Variants in SMPD3 observed in about 807,000 individuals in gnomAD.
The protein encoded by SMPD3 is sphingomyelin phosphodiesterase 3.
In SMPD3, 21 loss-of-function variants were observed where a neutral mutation model predicts 55.7. That is an observed-to-expected ratio of 0.38 (90% confidence interval 0.27 to 0.54). The LOEUF (loss-of-function observed/expected upper bound fraction) is 0.54, where lower values mean the gene tolerates loss of function less well. Among genes scored for constraint, SMPD3 ranks in the 20% least tolerant of loss-of-function variants. The probability of loss-of-function intolerance (pLI) is 0.80; values close to 1 mark genes in which losing one functional copy is unlikely to be tolerated. For missense variants in SMPD3, 842 were observed against 899.6 expected, an observed-to-expected ratio of 0.94 and a Z score of 0.82; for synonymous variants, 457 against 404.3, an observed-to-expected ratio of 1.13 and a Z score of -1.56.
chr16:68,371,315 T>C lies in SMPD3; in HGVS notation c.867A>G (p.Ser289=), dbSNP rs2089659912. The C allele has an allele frequency of 6.3e-7, 1 of 1,598,618 alleles. No homozygotes were observed. Among genetic ancestry groups the C allele is most frequent in the Non-Finnish European group, 8.5e-7 (1 of 1,178,696 alleles). ...TPNHNQQDGD[S]GSLGSPSASR... is the part of the protein sequence containing the mutation. ...AGGCCGAGGGGCTGCCCAGGCTCCCTGAATCCCCGTCCTGCTGATTATGGT... is the reference window on the plus strand; with the variant it reads ...AGGCCGAGGGGCTGCCCAGGCTCCCCGAATCCCCGTCCTGCTGATTATGGT... Residue 289 remains serine (S), a synonymous_variant, in exon 3 of 9, where the codon TCA becomes TCG. Transcript: ENST00000219334.
chr16:68,363,562 G>T lies in SMPD3; in HGVS notation c.1646-3C>A, dbSNP rs756547242. On this transcript the variant is annotated splice_polypyrimidine_tract_variant and splice_region_variant and intron_variant, in intron 6 of 8. Transcript: ENST00000219334. Reference sequence around the variant, plus strand: ...GCCGTTCGTGTCCAGCAGAGTACCTGGGGGGGACGAGGGGGTGACAGTGGT... The same window carrying T: ...GCCGTTCGTGTCCAGCAGAGTACCTTGGGGGGACGAGGGGGTGACAGTGGT... The T allele has an allele frequency of 2.5e-6, 4 of 1,612,060 alleles. No homozygotes were observed. The Admixed American group carries it at 5.0e-5, about 20-fold the overall frequency.
chr16:68,376,990 C>T (rs549524342), intron 2 of SMPD3, among the ~76,000 whole-genome samples: 396 of 152,166 alleles, frequency 2.6e-3, no homozygotes, highest in Non-Finnish European at 4.2e-3. Context: ...GTAGGACCTC[C>T]CGACCACTCC....
chr16:68,396,149 C>T (rs1192667127), intron 1 of SMPD3, among the ~76,000 whole-genome samples: 1 of 152,234 alleles, frequency 6.6e-6, no homozygotes, highest in Non-Finnish European at 1.5e-5. Flanking sequence ...CCCTCCGTGG[C>T]TGTCACCGCC....
chr16:68,431,424 G>A (rs758520169), intron 1 of SMPD3, among the ~76,000 whole-genome samples: 3 of 152,228 alleles, frequency 2.0e-5, no homozygotes, highest in Non-Finnish European at 4.4e-5. Context: ...TGTTTCTTGA[G>A]TGAGAGGAGA....
intron 2 of SMPD3, among the ~76,000 whole-genome samples, chr16:68,381,097 G>T (rs990095150): frequency 4.6e-5 from 7 of 152,356 alleles, no homozygotes; most frequent in Admixed American, 2.6e-4. Context: ...GAGTGAGAAT[G>T]AGTAAATAAA....
At position 68,364,577 on chromosome 16, in the gene SMPD3, C is replaced by T. The variant is rs2089418295; in HGVS notation, c.1555+174G>A. The T allele has an allele frequency of 4.1e-6, 3 of 734,742 alleles. No individual in the cohort carries two copies. The South Asian group carries it at 6.1e-5, about 15-fold the overall frequency. The allele number at this position is 734,742 out of a possible 1,614,324, so 45.5% of individuals were successfully genotyped here. On this transcript the variant is annotated intron_variant, in intron 5 of 8. Transcript: ENST00000219334. ...CAGCTTTCTAGGCAGAGCGTGGGCT[C>T]TTCCTGTTCTAGGATTTCTAGGGGG... is the stretch of plus-strand genomic sequence containing the variant.
At chr16:68,444,542 A>C (rs113159574) in intron 1 of SMPD3, among the ~76,000 whole-genome samples, 5 of 152,316 alleles carry the variant, frequency 3.3e-5, no homozygotes, top group African/African-American at 1.2e-4. Context: ...TGAGCCCAAA[A>C]AGAACAGAAA....
chr16:68,401,630 C>A (rs1280963978), intron 1 of SMPD3, among the ~76,000 whole-genome samples: 1 of 152,132 alleles, frequency 6.6e-6, no homozygotes, highest in Non-Finnish European at 1.5e-5. Context: ...GAGATCCCCA[C>A]ACCAATAGCC....
chr16:68,363,429 T>C, intron 7 of SMPD3, 67 bp downstream of exon 7: 1 of 1,576,090 alleles, frequency 6.3e-7, no homozygotes, highest in Non-Finnish European at 8.7e-7. Flanking sequence ...ATGTGGGTCC[T>C]GCCCAGTCCC....
chr16:68,364,137 GAGGA>G (rs1263192029), intron 5 of SMPD3, among the ~76,000 whole-genome samples: 12 of 152,194 alleles, frequency 7.9e-5, no homozygotes, highest in Non-Finnish European at 1.5e-4. Context: ...TCCTCGGACA[GAGGA>G]AGGAAGGTCC....
At chr16:68,427,159 G>A (rs1002320288) in intron 1 of SMPD3, among the ~76,000 whole-genome samples, 1 of 151,954 alleles carries the variant, frequency 6.6e-6, no homozygotes, top group African/African-American at 2.4e-5. Context: ...ACCATGCCTG[G>A]CTAACTTTTG....
At chr16:68,414,743 G>A (rs1037264533) in intron 1 of SMPD3, among the ~76,000 whole-genome samples, 1 of 152,252 alleles carries the variant, frequency 6.6e-6, no homozygotes, top group African/African-American at 2.4e-5. Flanking sequence ...CAGATTGAGT[G>A]GCATGCCCTG....
intron 1 of SMPD3, among the ~76,000 whole-genome samples, chr16:68,442,457 A>C (rs1480795527): frequency 3.9e-5 from 6 of 152,364 alleles, no homozygotes; most frequent in Admixed American, 3.3e-4. Context: ...CCCCGTGCCC[A>C]GCGCTGTGGC....
At chr16:68,446,484 TACACACACACACAC>T (rs3978672) in intron 1 of SMPD3, among the ~76,000 whole-genome samples, 5 of 143,772 alleles carry the variant, frequency 3.5e-5, no homozygotes, top group South Asian at 2.3e-4. Flanking sequence ...GTGGTTCATC[TACACACACACACAC>T]ACACACACAC....
chr16:68,422,472 C>CA (rs1048096405), intron 1 of SMPD3, among the ~76,000 whole-genome samples: 3 of 152,128 alleles, frequency 2.0e-5, no homozygotes, highest in African/African-American at 7.2e-5. Context: ...GTGCAGGAAA[C>CA]AGAGTATAGT....
chr16:68,372,513 C>G (rs35189054), intron 2 of SMPD3, 126 bp from the exon 3 acceptor site: 16,125 of 403,268 alleles, frequency 0.04, 398 homozygotes, highest in Middle Eastern at 0.1. Context: ...TTCTGAGAAC[C>G]AGGCTGGAGC....
chr16:68,386,949 C>G (rs541090983), intron 1 of SMPD3, among the ~76,000 whole-genome samples: 1 of 152,296 alleles, frequency 6.6e-6, no homozygotes, highest in South Asian at 2.1e-4. Context: ...GATGAGCCCT[C>G]CACGTCGACA....
chr16:68,364,057 T>C (rs2089400595), intron 5 of SMPD3, among the ~76,000 whole-genome samples, 191 bp from the exon 6 acceptor site: 1 of 152,034 alleles, frequency 6.6e-6, no homozygotes, highest in Admixed American at 6.5e-5. Context: ...TCTGTGTCCT[T>C]GAGAACACCT....
At position 68,359,371 on chromosome 16, in the gene SMPD3, C is replaced by T. The variant is rs1309025283; in HGVS notation, c.*1835G>A. ...GCAGGATGCTCGCCCTCAGCAGCCC[C>T]TTCCTGGCTCTGGACTCTGGAGGGG... On this transcript the variant is annotated 3_prime_UTR_variant, in exon 9 of 9. Coordinates refer to ENST00000219334, the MANE Select transcript of SMPD3 (RefSeq NM_018667.4). 1 of 152,526 alleles carries T rather than the reference C, an allele frequency of 6.6e-6. No homozygotes were observed. Among genetic ancestry groups the T allele is most frequent in the Admixed American group, 6.5e-5 (1 of 15,290 alleles). 9.4% of individuals were successfully genotyped at this position (152,526 alleles called of 1,614,324 possible).
Sources: gnomAD v4.1 joint callset for allele counts (sites outside exome capture counted in the v4.1 genomes callset) on GRCh38, gnomAD v4.1.1 for gene constraint, MANE v1.5 for transcripts, NCBI Gene and HGNC (gene_info 2026-07-23, HGNC 2026-07-21) for gene names.